CNTN4: variants seen among roughly 807,000 people sequenced by gnomAD.
CNTN4 encodes the protein contactin 4.
A neutral mutation model predicts 122.5 loss-of-function variants in CNTN4; 77 were observed. That is an observed-to-expected ratio of 0.63 (90% CI 0.52 to 0.76). CNTN4 has a LOEUF of 0.76. Among genes scored for constraint, CNTN4 ranks in the 30% least tolerant of loss-of-function variants. CNTN4 has a pLI of 0.00. For missense variants in CNTN4, 1,256 were observed against 1,259.1 expected (o/e 1.00, Z 0.04); for synonymous variants, 512 against 447.0 (o/e 1.15, Z -1.83).
At chr3:2,669,533 A>C (rs1177634143) in intron 4 of CNTN4, among the ~76,000 whole-genome samples, 3 of 152,020 alleles carry the variant, frequency 2.0e-5, no homozygotes, top group Non-Finnish European at 4.4e-5. Flanking sequence ...TGATCTTTTC[A>C]AAAAACCACC....
chr3:2,515,024 T>G (rs2077000413), intron 3 of CNTN4, among the ~76,000 whole-genome samples: 1 of 151,978 alleles, frequency 6.6e-6, no homozygotes, highest in African/African-American at 2.4e-5. Flanking sequence ...CTCTCTCTTT[T>G]TCATCAGTTA....
intron 4 of CNTN4, among the ~76,000 whole-genome samples, chr3:2,580,560 C>T (rs567847399): frequency 3.3e-5 from 5 of 152,274 alleles, no homozygotes; most frequent in Admixed American, 1.3e-4. Context: ...CCTCTCCACA[C>T]GCAAACTCCC....
intron 2 of CNTN4, among the ~76,000 whole-genome samples, chr3:2,224,632 C>G (rs138771063): frequency 6.6e-6 from 1 of 152,148 alleles, no homozygotes; most frequent in African/African-American, 2.4e-5. Context: ...GAATCCTTGA[C>G]ACACTTGCTA....
intron 16 of CNTN4, among the ~76,000 whole-genome samples, chr3:3,034,264 A>G (rs17598912): frequency 2.6e-5 from 4 of 152,200 alleles, no homozygotes; most frequent in South Asian, 2.1e-4. Flanking sequence ...CGTATCCTCA[A>G]ATAACACTGT....
chr3:2,144,354 C>T (rs1028188494), intron 2 of CNTN4: 2 of 152,112 alleles, frequency 1.3e-5, no homozygotes, highest in Admixed American at 6.6e-5. Context: ...AGTTTTAAGT[C>T]GACAGTTGCC....
intron 2 of CNTN4, among the ~76,000 whole-genome samples, chr3:2,199,963 A>G (rs17009610): frequency 0.024 from 3,682 of 152,254 alleles, 135 homozygotes; most frequent in African/African-American, 0.085. Context: ...TGTTGGATGA[A>G]GATGAGCTAT....
intron 6 of CNTN4, among the ~76,000 whole-genome samples, chr3:2,788,573 C>T (rs2091912060): frequency 6.6e-6 from 1 of 152,190 alleles, no homozygotes; most frequent in Non-Finnish European, 1.5e-5. Context: ...TAAGTATTCT[C>T]CACAATCTTT....
At chr3:2,340,704 T>TAGAGAGAGAGAGAGAGAGAGGGGG in intron 3 of CNTN4, among the ~76,000 whole-genome samples, 1 of 17,822 alleles carries the variant, frequency 5.6e-5, no homozygotes, top group East Asian at 1.8e-3. Context: ...TATATATATA[T>TAGAGAGAGAGAGAGAGAGAGGGGG]ATATATAGAG....
intron 2 of CNTN4, among the ~76,000 whole-genome samples, chr3:2,113,380 A>G (rs925766170): frequency 6.6e-6 from 1 of 152,192 alleles, no homozygotes; most frequent in Non-Finnish European, 1.5e-5. Flanking sequence ...AAATTTGCCC[A>G]TGGCCGTGTT....
chr3:2,636,497 G>A (rs1255977313), intron 4 of CNTN4, among the ~76,000 whole-genome samples: 1 of 152,144 alleles, frequency 6.6e-6, no homozygotes, highest in Non-Finnish European at 1.5e-5. Context: ...AATTATCTGA[G>A]TTAATAAACA....
Position 2,566,837 on chromosome 3 carries a change from C to T in CNTN4, c.-88-4579C>T, listed in dbSNP as rs1249275503. Among the ~76,000 whole-genome samples, 5 of 152,272 alleles carry T rather than the reference C, an allele frequency of 3.3e-5. No individual in the cohort carries two copies. The East Asian group carries it at 9.6e-4, about 29-fold the overall frequency. ...CTCAGTGTGCGTGAATCCGTGTTTT[C>T]CCACTCTGTCTTGCTGCTATGAGGC... On this transcript the variant is annotated intron_variant, in intron 3 of 24. Transcript: ENST00000418658.
At chr3:2,722,025 C>T (rs1408983744) in intron 4 of CNTN4, among the ~76,000 whole-genome samples, 1 of 152,182 alleles carries the variant, frequency 6.6e-6, no homozygotes, top group East Asian at 1.9e-4. Flanking sequence ...AATCTGCCAG[C>T]ACCTCGTGCT....
chr3:2,567,778 C>A (rs1054045625), intron 3 of CNTN4, among the ~76,000 whole-genome samples: 15 of 152,064 alleles, frequency 9.9e-5, no homozygotes, highest in African/African-American at 3.6e-4. Flanking sequence ...CTCAGAATGG[C>A]CTTCCTCCCT....
chr3:2,662,318 G>T (rs2083936559), intron 4 of CNTN4, among the ~76,000 whole-genome samples: 1 of 152,138 alleles, frequency 6.6e-6, no homozygotes, highest in African/African-American at 2.4e-5. Flanking sequence ...ACTCATATAA[G>T]ATTCAATGGA....
intron 14 of CNTN4, among the ~76,000 whole-genome samples, chr3:3,000,384 C>G (rs1216104782): frequency 1.5e-5 from 2 of 131,408 alleles, no homozygotes; most frequent in Non-Finnish European, 3.2e-5. Context: ...GAAGAGAAGA[C>G]TTATAGAGGG....
intron 6 of CNTN4, among the ~76,000 whole-genome samples, chr3:2,808,188 T>A (rs2092515238): frequency 6.6e-6 from 1 of 151,600 alleles, no homozygotes; most frequent in South Asian, 2.1e-4. Flanking sequence ...AGATTTGTAG[T>A]CTCTGGGGTT....
chr3:2,266,545 G>T (rs1335346562), intron 2 of CNTN4, among the ~76,000 whole-genome samples: 1 of 151,958 alleles, frequency 6.6e-6, no homozygotes, highest in African/African-American at 2.4e-5. Flanking sequence ...GTCCTGCTGG[G>T]GGATTTTTAA....
At chr3:3,048,402 G>T (rs1281577635) in intron 23 of CNTN4, among the ~76,000 whole-genome samples, 2 of 152,116 alleles carry the variant, frequency 1.3e-5, no homozygotes, top group African/African-American at 2.4e-5. Context: ...CTATACCATT[G>T]TATATCCAGG....
chr3:2,161,217 C>T (rs968309368), intron 2 of CNTN4, among the ~76,000 whole-genome samples: 2 of 151,706 alleles, frequency 1.3e-5, no homozygotes, highest in Non-Finnish European at 2.9e-5. Context: ...CAAGGGGATG[C>T]TGGAGGATAA....
Sources: gnomAD v4.1 joint callset for allele counts (sites outside exome capture counted in the v4.1 genomes callset) on GRCh38, gnomAD v4.1.1 for gene constraint, MANE v1.5 for transcripts, NCBI Gene and HGNC (gene_info 2026-07-23, HGNC 2026-07-21) for gene names.